The following ASXL1 variants were observed in gnomAD, a reference collection of about 807,000 sequenced individuals.
ASXL1 encodes ASXL transcriptional regulator 1.
In ASXL1, 65 loss-of-function variants were observed where a neutral mutation model predicts 89.1. The ratio of observed to expected loss-of-function variants is 0.73; its 90% CI spans 0.60 to 0.90. ASXL1 has a LOEUF of 0.90. ASXL1 is among the 40% of genes least tolerant of loss of function. The pLI is 0.00. For missense variants in ASXL1, 1,786 were observed against 1,942.9 expected (o/e 0.92, Z 1.52); for synonymous variants, 739 against 746.9 (o/e 0.99, Z 0.17).
At chr20:32,398,611 T>TTG (rs1555906489) in intron 4 of ASXL1, among the ~76,000 whole-genome samples, 1 of 147,810 alleles carries the variant, frequency 6.8e-6, no homozygotes, top group African/African-American at 2.5e-5. Flanking sequence ...TTGTTTTTTT[T>TTG]TTTGTTTTTT....
rs755974145 is a variant in ASXL1, at chr20:32,434,494, C to A, written c.1782C>A (p.Cys594Ter). The change falls in exon 13 of 13, where the codon TGC (cysteine) becomes TGA (stop). Residue 594 changes from cysteine (C) to a stop codon, truncating the protein, a stop_gained. Coordinates refer to ENST00000375687, the MANE Select transcript of ASXL1 (RefSeq NM_015338.6). LOFTEE classifies it low-confidence loss of function (END_TRUNC). ...AAGGTCAGCCCACTTACCAGATATG[C>A]CCCCGGATCATCCCCACCACGGAGT... is the stretch of plus-strand genomic sequence containing the variant. ...VVKGQPTYQICPRIIPTTESS... is the reference protein window; with the variant it reads ...VVKGQPTYQI 1.9e-6 allele frequency: 3 copies of A among 1,614,086 alleles called. No individual in the cohort carries two copies. Among genetic ancestry groups the A allele is most frequent in the Non-Finnish European group, 2.5e-6 (3 of 1,180,032 alleles).
chr20:32,359,488 AG>A (rs1432591460), intron 1 of ASXL1: 1 of 657,528 alleles, frequency 1.5e-6, no homozygotes, highest in East Asian at 2.7e-5. Context: ...TCTGGGATAG[AG>A]CCTGGGAATC....
chr20:32,383,450 G>A (rs950205044), intron 4 of ASXL1, among the ~76,000 whole-genome samples: 28 of 152,188 alleles, frequency 1.8e-4, no homozygotes, highest in African/African-American at 6.7e-4. Context: ...GGGACTATAG[G>A]CGCCCGCCAC....
At chr20:32,365,514 C>G (rs1600469629) in intron 1 of ASXL1, among the ~76,000 whole-genome samples, 1 of 152,088 alleles carries the variant, frequency 6.6e-6, no homozygotes, top group African/African-American at 2.4e-5. Context: ...TTGGCTATGG[C>G]AGTTAAATGG....
intron 4 of ASXL1, among the ~76,000 whole-genome samples, chr20:32,405,646 C>G (rs1569289938): frequency 6.6e-6 from 1 of 152,096 alleles, no homozygotes; most frequent in Non-Finnish European, 1.5e-5. Flanking sequence ...TTTAATCTTT[C>G]TTTGATTTTC....
chr20:32,426,541 C>CTTTTTTTTTTTTTTTTTTTTTTTTTT (rs1014372390), intron 4 of ASXL1, among the ~76,000 whole-genome samples: 2 of 92,560 alleles, frequency 2.2e-5, no homozygotes, highest in African/African-American at 7.0e-5. Flanking sequence ...AAACTGTTTT[C>CTTTTTTTTTTTTTTTTTTTTTTTTTT]TTTTTTTTCT....
intron 1 of ASXL1, chr20:32,359,914 C>T: frequency 1.4e-6 from 1 of 706,924 alleles, no homozygotes. Context: ...TAAGATCTGT[C>T]ACACAGCGAG....
intron 4 of ASXL1, among the ~76,000 whole-genome samples, chr20:32,392,556 G>A (rs924900932): frequency 6.8e-6 from 1 of 147,394 alleles, no homozygotes; most frequent in East Asian, 2.0e-4. Flanking sequence ...TTGGAAGGCC[G>A]AGGCGGGCAG....
chr20:32,361,601 G>GCAC (rs11474510), intron 1 of ASXL1, among the ~76,000 whole-genome samples: 114,587 of 143,048 alleles, frequency 0.8, 46,132 homozygotes, highest in South Asian at 0.93. Flanking sequence ...CCATGCCACT[G>GCAC]TCCAGCCTGG....
chr20:32,382,182 T>A (rs1261726931), intron 4 of ASXL1, among the ~76,000 whole-genome samples: 1 of 151,736 alleles, frequency 6.6e-6, no homozygotes, highest in Non-Finnish European at 1.5e-5. Context: ...TCCATGTTGG[T>A]CAGGCTGGTC....
rs534093114 is a variant in ASXL1, at chr20:32,425,120, A to C, written c.253-3008A>C. 6.6e-5 allele frequency among the ~76,000 whole-genome samples: 10 copies of C among 152,386 alleles called. No homozygotes were observed. In the South Asian group the frequency reaches 1.7e-3, roughly 25 times the overall value. On this transcript the variant is annotated intron_variant, in intron 4 of 12. Transcript: ENST00000375687. Reference sequence around the variant, plus strand: ...CTTTTCACAAACGGAATCATCAACTATGCATTATTTTGTATCTGGCTTTCA... The same window carrying C: ...CTTTTCACAAACGGAATCATCAACTCTGCATTATTTTGTATCTGGCTTTCA...
Position 32,437,550 on chromosome 20 carries a change from G to A in ASXL1, c.*212G>A. ...TTTCCTGGGTATAACCCATTGGGCT[G>A]CCCAAGGCCAGCCAGCCTGAGCTCT... On this transcript the variant is annotated 3_prime_UTR_variant, in exon 13 of 13. Transcript: ENST00000375687. 1.4e-6 allele frequency: 1 copy of A among 703,490 alleles called. No individual in the cohort carries two copies. The highest frequency in any genetic ancestry group is 1.8e-5 in the African/African-American group (1 of 55,898). 43.6% of individuals were successfully genotyped at this position (703,490 alleles called of 1,614,324 possible).
intron 4 of ASXL1, among the ~76,000 whole-genome samples, chr20:32,425,008 TTATG>T (rs2011234157): frequency 6.6e-6 from 1 of 152,192 alleles, no homozygotes; most frequent in Non-Finnish European, 1.5e-5. Flanking sequence ...TGTCTTGACT[TTATG>T]AAAGTTATTT....
intron 11 of ASXL1, 127 bp downstream of exon 11, chr20:32,433,112 A>G: frequency 3.9e-6 from 6 of 1,536,692 alleles, no homozygotes. Context: ...TGGGTCATTT[A>G]TCTTAATGCC....
chr20:32,359,655 A>G (rs752321468), intron 1 of ASXL1: 125 of 716,876 alleles, frequency 1.7e-4, no homozygotes, highest in Non-Finnish European at 3.1e-4. Flanking sequence ...ATGTTGGACA[A>G]AGACAAAGTA....
chr20:32,404,717 G>T (rs780798313), intron 4 of ASXL1, among the ~76,000 whole-genome samples: 1 of 152,068 alleles, frequency 6.6e-6, no homozygotes, highest in Non-Finnish European at 1.5e-5. Flanking sequence ...CCTTATTCCC[G>T]CTTTCAGATA....
rs2048972279 is a variant in ASXL1, at chr20:32,407,346, G to A, written c.253-20782G>A. ...GCAACAGAGCTAGACTCCGTCTCGG[G>A]GGGAAAAAAAAGAATTGAAATATAT... On this transcript the variant is annotated intron_variant, in intron 4 of 12. Transcript: ENST00000375687. Among the ~76,000 whole-genome samples the A allele has an allele frequency of 2.6e-5, 4 of 151,676 alleles. No individual in the cohort carries two copies. In the South Asian group the frequency reaches 8.4e-4, roughly 32 times the overall value.
Position 32,436,088 on chromosome 20 carries a change from C to T in ASXL1, c.3376C>T (p.His1126Tyr), listed in dbSNP as rs746797164. Residue 1126 changes from histidine (H) to tyrosine (Y), a missense_variant, in exon 13 of 13, where the codon CAC becomes TAC. By Grantham distance (83) the His-to-Tyr change is moderately conservative (BLOSUM62 2). This residue lies in a region of ASXL1 where 1,418 missense variants were observed against 1,427.8 expected (regional missense o/e 0.99). Coordinates refer to ENST00000375687, the MANE Select transcript of ASXL1 (RefSeq NM_015338.6). ...CCTAGAGAAGGTTCTTCCACCAGCCCACGATGACAGCATGTCAGAATCCCC... is the reference window on the plus strand; with the variant it reads ...CCTAGAGAAGGTTCTTCCACCAGCCTACGATGACAGCATGTCAGAATCCCC... ...LPLEKVLPPA[H>Y]DDSMSESPQV... 5.6e-6 allele frequency: 9 copies of T among 1,614,048 alleles called. No individual in the cohort carries two copies. The East Asian group carries it at 6.7e-5, about 12-fold the overall frequency.
At chr20:32,421,059 G>A (rs1281892805) in intron 4 of ASXL1, among the ~76,000 whole-genome samples, 4 of 150,764 alleles carry the variant, frequency 2.7e-5, no homozygotes, top group South Asian at 2.1e-4. Context: ...CACACACCGG[G>A]GCCTGTTGGG....
Sources: gnomAD v4.1 joint callset for allele counts (sites outside exome capture counted in the v4.1 genomes callset) on GRCh38, gnomAD v4.1.1 for gene constraint, gnomAD v4.1.1 regional missense constraint, MANE v1.5 for transcripts, NCBI Gene and HGNC (gene_info 2026-07-23, HGNC 2026-07-21) for gene names.